Variants in COL25A1 observed in about 807,000 individuals in gnomAD.
COL25A1 encodes collagen type XXV alpha 1 chain.
In COL25A1, 103 loss-of-function variants were observed where a neutral mutation model predicts 128.4. The ratio of observed to expected loss-of-function variants is 0.80; its 90% CI spans 0.68 to 0.94. The LOEUF is 0.94. Among genes scored for constraint, COL25A1 ranks in the 40% least tolerant of loss-of-function variants. The pLI is 0.00. For synonymous variants in COL25A1, 279 were observed against 277.2 expected (o/e 1.01, Z -0.06); for missense variants, 745 against 840.0 (o/e 0.89, Z 1.40).
At position 109,089,017 on chromosome 4, in the gene COL25A1, A is replaced by C. The variant is rs532053978; in HGVS notation, c.368-38838T>G. Among the ~76,000 whole-genome samples the C allele has an allele frequency of 7.2e-5, 11 of 152,328 alleles. 1 individual carries two copies. The East Asian group carries it at 2.1e-3, about 29-fold the overall frequency. ...CTGACTTGTTCACTCTTTACTAAAAAACTTTTCAGAGATAAATGAAAAAGG... is the reference window on the plus strand; with the variant it reads ...CTGACTTGTTCACTCTTTACTAAAACACTTTTCAGAGATAAATGAAAAAGG... On this transcript the variant is annotated intron_variant, in intron 3 of 37. Coordinates refer to ENST00000399132, the MANE Select transcript of COL25A1 (RefSeq NM_198721.4).
At chr4:109,201,174 T>A (rs142514519) in intron 3 of COL25A1, among the ~76,000 whole-genome samples, 16 of 152,174 alleles carry the variant, frequency 1.1e-4, no homozygotes, top group Non-Finnish European at 2.1e-4. Flanking sequence ...AAGACTGCTA[T>A]GAAAATATGA....
intron 6 of COL25A1, among the ~76,000 whole-genome samples, chr4:109,006,069 A>C (rs1755937609): frequency 6.6e-6 from 1 of 152,170 alleles, no homozygotes; most frequent in Non-Finnish European, 1.5e-5. Context: ...GATAATCAAA[A>C]TTTCAAGTTC....
intron 15 of COL25A1, among the ~76,000 whole-genome samples, chr4:108,897,490 A>C (rs1422334599): frequency 1.3e-5 from 2 of 152,178 alleles, no homozygotes; most frequent in Non-Finnish European, 2.9e-5. Context: ...CTTTGGAGCC[A>C]GGGAGACAGA....
chr4:109,277,474 C>A (rs561460764), intron 3 of COL25A1, among the ~76,000 whole-genome samples: 1 of 152,248 alleles, frequency 6.6e-6, no homozygotes, highest in Non-Finnish European at 1.5e-5. Flanking sequence ...TAACTGAATT[C>A]TTCAGTTTTG....
At chr4:108,930,776 T>C (rs1449043122) in intron 11 of COL25A1, among the ~76,000 whole-genome samples, 1 of 152,182 alleles carries the variant, frequency 6.6e-6, no homozygotes, top group East Asian at 1.9e-4. Context: ...CTGTAAAGGT[T>C]GGGGGATAGA....
chr4:109,172,409 A>T (rs1773672218), intron 3 of COL25A1, among the ~76,000 whole-genome samples: 1 of 152,150 alleles, frequency 6.6e-6, no homozygotes, highest in South Asian at 2.1e-4. Flanking sequence ...GGCATCCCTG[A>T]GGCAGTAATG....
intron 3 of COL25A1, among the ~76,000 whole-genome samples, chr4:109,104,433 T>C (rs2126027338): frequency 6.7e-6 from 1 of 149,480 alleles, no homozygotes; most frequent in Non-Finnish European, 1.5e-5. Context: ...TTGCAATCTG[T>C]AATGAATTAA....
chr4:109,019,569 G>A (rs748459744), intron 5 of COL25A1, among the ~76,000 whole-genome samples: 9 of 151,844 alleles, frequency 5.9e-5, no homozygotes, highest in Admixed American at 1.3e-4. Flanking sequence ...GGTGGCAGCC[G>A]AGAGAGTGAG....
At chr4:109,048,302 A>C in intron 4 of COL25A1, 127 bp from the exon 5 acceptor site, 1 of 816,628 alleles carries the variant, frequency 1.2e-6, no homozygotes, top group Non-Finnish European at 1.9e-6. Context: ...AGTTTTTTTA[A>C]ATTCACTGAT....
intron 3 of COL25A1, among the ~76,000 whole-genome samples, chr4:109,199,793 T>C (rs1776409447): frequency 6.6e-6 from 1 of 152,110 alleles, no homozygotes; most frequent in Non-Finnish European, 1.5e-5. Context: ...CATTAAAAGG[T>C]AGTGTGTAAT....
chr4:109,051,620 T>TACAC (rs61340199), intron 3 of COL25A1, among the ~76,000 whole-genome samples: 1 of 148,448 alleles, frequency 6.7e-6, no homozygotes, highest in African/African-American at 2.5e-5. Context: ...CACACATACA[T>TACAC]ACACACACAC....
At chr4:109,098,736 C>G (rs1460646087) in intron 3 of COL25A1, among the ~76,000 whole-genome samples, 1 of 152,190 alleles carries the variant, frequency 6.6e-6, no homozygotes, top group Non-Finnish European at 1.5e-5. Flanking sequence ...GAATATAATT[C>G]ATCAAGAAGA....
At chr4:109,072,647 C>T (rs557857467) in intron 3 of COL25A1, among the ~76,000 whole-genome samples, 3 of 152,184 alleles carry the variant, frequency 2.0e-5, no homozygotes, top group Non-Finnish European at 4.4e-5. Flanking sequence ...CAGACTCACC[C>T]ACATTCTTAG....
intron 11 of COL25A1, among the ~76,000 whole-genome samples, chr4:108,927,655 AC>A (rs1746229296): frequency 6.6e-6 from 1 of 152,184 alleles, no homozygotes; most frequent in South Asian, 2.1e-4. Flanking sequence ...AAAAAGTTCT[AC>A]ATGCAGTAAT....
intron 13 of COL25A1, among the ~76,000 whole-genome samples, chr4:108,913,939 C>T (rs891895293): frequency 5.9e-5 from 9 of 152,088 alleles, no homozygotes; most frequent in Non-Finnish European, 1.0e-4. Flanking sequence ...CATGCACACG[C>T]GCATGGTGGG....
chr4:109,015,433 A>T (rs1041727740), intron 5 of COL25A1, among the ~76,000 whole-genome samples: 9 of 152,350 alleles, frequency 5.9e-5, no homozygotes, highest in African/African-American at 2.2e-4. Context: ...TCCTGAAAAG[A>T]TCATTTTTCC....
rs60648570 is a variant in COL25A1, at chr4:108,967,124, A to G, written c.492+7243T>C. ...GATTATTATTTTGGACAAAATATTT[A>G]AATTTTCTAAGTCTTGGTTTCCTCA... On this transcript the variant is annotated intron_variant, in intron 8 of 37. Transcript: ENST00000399132. Among the ~76,000 whole-genome samples, 714 of 152,268 alleles carry G rather than the reference A, an allele frequency of 4.7e-3. 15 individuals carry two copies. The East Asian group carries it at 0.063, about 13-fold the overall frequency.
intron 11 of COL25A1, among the ~76,000 whole-genome samples, chr4:108,929,402 G>A (rs1746458606): frequency 6.6e-6 from 1 of 152,070 alleles, no homozygotes; most frequent in South Asian, 2.1e-4. Context: ...GGGATTGCAG[G>A]CATGAGCCAC....
intron 3 of COL25A1, among the ~76,000 whole-genome samples, chr4:109,115,443 G>A (rs534707841): frequency 5.3e-5 from 8 of 152,142 alleles, no homozygotes; most frequent in East Asian, 1.9e-4. Context: ...TTGAAGGGCC[G>A]ACATTAAGTC....
Sources: gnomAD v4.1 joint callset for allele counts (sites outside exome capture counted in the v4.1 genomes callset) on GRCh38, gnomAD v4.1.1 for gene constraint, MANE v1.5 for transcripts, NCBI Gene and HGNC (gene_info 2026-07-23, HGNC 2026-07-21) for gene names.